CELF5: variants seen among roughly 807,000 people sequenced by gnomAD.
CELF5 encodes the protein CUG-BP and ETR-3 like factor 5.
CELF5 carries 6 observed loss-of-function variants against 54.9 expected under a neutral mutation model. The observed-to-expected ratio is 0.11, with a 90% CI of 0.06 to 0.22. The LOEUF (loss-of-function observed/expected upper bound fraction) is 0.22, where lower values mean the gene tolerates loss of function less well. CELF5 is among the 10% of genes least tolerant of loss of function. The pLI is 1.00. For synonymous variants in CELF5, 271 were observed against 290.9 expected (o/e 0.93, Z 0.70); for missense variants, 401 against 678.6 (o/e 0.59, Z 4.54).
chr19:3,228,847 G>A lies in CELF5; in HGVS notation c.259+3849G>A, dbSNP rs2144967781. ...GTGGTGGCGGGGACAGCGGCAGGGG[G>A]CTGGGGGTGGCTGGCAGGGTTGGCC... On this transcript the variant is annotated intron_variant, in intron 1 of 12. Transcript: ENST00000292672. The surrounding 1 kb of genome is among the most constrained non-coding windows in gnomAD (Gnocchi z 6.0). Among the ~76,000 whole-genome samples, 1 of 151,730 alleles carries A rather than the reference G, an allele frequency of 6.6e-6. No individual in the cohort carries two copies. The highest frequency in any genetic ancestry group is 2.1e-4 in the South Asian group (1 of 4,792).
chr19:3,275,285 C>G lies in CELF5; in HGVS notation c.395-571C>G, dbSNP rs971198526. Among the ~76,000 whole-genome samples, 1 of 152,226 alleles carries G rather than the reference C, an allele frequency of 6.6e-6. No homozygotes were observed. The highest frequency in any genetic ancestry group is 1.5e-5 in the Non-Finnish European group (1 of 68,042). On this transcript the variant is annotated intron_variant, in intron 3 of 12. Transcript: ENST00000292672. This position sits in a 1 kb window ranked among gnomAD's most constrained non-coding sequence, Gnocchi z 6.7. Reference sequence around the variant, plus strand: ...CAGGGGGTCCAGCCTGCCAAGGCCCCTGGTCCACTGAGCACGTGAACCCTC... The same window carrying G: ...CAGGGGGTCCAGCCTGCCAAGGCCCGTGGTCCACTGAGCACGTGAACCCTC...
At chr19:3,267,232 G>C (rs2079895724) in intron 2 of CELF5, among the ~76,000 whole-genome samples, 1 of 151,330 alleles carries the variant, frequency 6.6e-6, no homozygotes, top group South Asian at 2.1e-4. Flanking sequence ...GCACAGGGGA[G>C]CCCCCCCCAC....
At position 3,224,830 on chromosome 19, in the gene CELF5, C is replaced by A. The variant is rs759584916; in HGVS notation, c.91C>A (p.Pro31Thr). 2.5e-6 allele frequency: 4 copies of A among 1,580,994 alleles called. No individual in the cohort carries two copies. The African/African-American group carries it at 4.1e-5, about 16-fold the overall frequency. The change falls in exon 1 of 13, where the codon CCC becomes ACC. Residue 31 changes from proline to threonine, a missense_variant. Coordinates refer to ENST00000292672, the MANE Select transcript of CELF5 (RefSeq NM_021938.4). Reference protein sequence around the residue: ...PSPVGSSGPEPPGGQPDGMKD... With the variant: ...PSPVGSSGPETPGGQPDGMKD... ...GCCCGTGGGCAGCAGCGGGCCCGAG[C>A]CCCCCGGGGGGCAGCCCGACGGCAT...
chr19:3,227,391 A>G (rs1407408975), intron 1 of CELF5, among the ~76,000 whole-genome samples: 1 of 152,136 alleles, frequency 6.6e-6, no homozygotes, highest in African/African-American at 2.4e-5. Context: ...TGCCACCAAC[A>G]TGACCTTATT....
chr19:3,287,626 C>T (rs907120331), intron 10 of CELF5, among the ~76,000 whole-genome samples: 8 of 151,276 alleles, frequency 5.3e-5, no homozygotes, highest in South Asian at 2.1e-4. Context: ...CGGTGGCTCA[C>T]GCCTGTAATC....
intron 1 of CELF5, among the ~76,000 whole-genome samples, chr19:3,247,432 T>G (rs1346500653): frequency 6.6e-6 from 1 of 151,938 alleles, no homozygotes; most frequent in East Asian, 2.0e-4. Context: ...GGCCTAATTT[T>G]TGTATTTTTT....
intron 2 of CELF5, among the ~76,000 whole-genome samples, chr19:3,264,880 A>T (rs1337037039): frequency 6.6e-6 from 1 of 151,390 alleles, no homozygotes; most frequent in African/African-American, 2.4e-5. Context: ...CACCCAGCTA[A>T]TTTTTTGTAT....
At chr19:3,270,517 CGCGGGCAGG>C (rs1327676649) in intron 2 of CELF5, 1 of 149,582 alleles carries the variant, frequency 6.7e-6, no homozygotes, top group African/African-American at 2.4e-5. Flanking sequence ...GGGCGGGCAG[CGCGGGCAGG>C]GCCCGCCTGG....
chr19:3,235,942 T>TGGTGTAGTG (rs1917582763), intron 1 of CELF5, among the ~76,000 whole-genome samples: 1 of 151,864 alleles, frequency 6.6e-6, no homozygotes, highest in African/African-American at 2.4e-5. Flanking sequence ...GGGAAATTTC[T>TGGTGTAGTG]GGTGTAGTGA....
intron 1 of CELF5, among the ~76,000 whole-genome samples, chr19:3,248,050 C>T (rs1051396008): frequency 2.6e-5 from 4 of 152,190 alleles, no homozygotes; most frequent in African/African-American, 9.7e-5. Flanking sequence ...CAGGTGTGCA[C>T]CACCGCACCC....
intron 2 of CELF5, among the ~76,000 whole-genome samples, chr19:3,259,340 C>T (rs1268900758): frequency 6.6e-6 from 1 of 152,028 alleles, no homozygotes; most frequent in African/African-American, 2.4e-5. Context: ...GGAGGAGATG[C>T]ACCTGGCATG....
intron 11 of CELF5, among the ~76,000 whole-genome samples, 183 bp from the exon 12 acceptor site, chr19:3,293,136 T>C (rs1435823282): frequency 2.6e-5 from 4 of 151,740 alleles, no homozygotes; most frequent in Admixed American, 6.6e-5. Context: ...GGTATACAAG[T>C]CCAGAGGTGT....
Position 3,273,829 on chromosome 19 carries a change from C to T in CELF5, c.343-43C>T, listed in dbSNP as rs1242967929. 4 of 1,466,996 alleles carry T rather than the reference C, an allele frequency of 2.7e-6. No individual in the cohort carries two copies. In the African/African-American group the frequency reaches 4.2e-5, roughly 15 times the overall value. 90.9% of individuals were successfully genotyped at this position (1,466,996 alleles called of 1,614,324 possible). A position where few individuals can be genotyped will look rare whatever the true frequency, so the allele number is the denominator to read the frequency against. ...GGCAAAACCCCCCGCCTGCCACACC[C>T]CCACTGCTAAGCTTGACTTTTCCCT... is the stretch of plus-strand genomic sequence containing the variant. On this transcript the variant is annotated intron_variant, in intron 2 of 12. Coordinates refer to ENST00000292672, the MANE Select transcript of CELF5 (RefSeq NM_021938.4).
intron 1 of CELF5, among the ~76,000 whole-genome samples, chr19:3,243,213 G>A (rs535961376): frequency 1.3e-5 from 2 of 151,706 alleles, no homozygotes; most frequent in Non-Finnish European, 2.9e-5. Context: ...GGGTATTTGT[G>A]TATGTGTGTG....
At chr19:3,286,194 A>C in intron 10 of CELF5, 169 bp downstream of exon 10, 1 of 533,564 alleles carries the variant, frequency 1.9e-6, no homozygotes, top group Non-Finnish European at 3.2e-6. Flanking sequence ...ACCCCTGGGA[A>C]TCTCCCTCTC....
chr19:3,266,184 A>G (rs2079878613), intron 2 of CELF5, among the ~76,000 whole-genome samples: 1 of 152,188 alleles, frequency 6.6e-6, no homozygotes, highest in African/African-American at 2.4e-5. Context: ...GTTTCGGGTC[A>G]TTGGGTCATT....
chr19:3,232,903 C>T (rs556947718), intron 1 of CELF5, among the ~76,000 whole-genome samples: 2 of 152,104 alleles, frequency 1.3e-5, no homozygotes, highest in South Asian at 4.2e-4. Context: ...GGAGAAACCC[C>T]ATCTCTGCTA....
chr19:3,242,254 C>T (rs2079501257), intron 1 of CELF5, among the ~76,000 whole-genome samples: 1 of 152,168 alleles, frequency 6.6e-6, no homozygotes, highest in South Asian at 2.1e-4. Flanking sequence ...CGACATTTGG[C>T]CGGGCACGAT....
At chr19:3,248,602 G>A (rs1022263534) in intron 1 of CELF5, among the ~76,000 whole-genome samples, 1 of 151,948 alleles carries the variant, frequency 6.6e-6, no homozygotes, top group African/African-American at 2.4e-5. Flanking sequence ...GTATTGTATC[G>A]ATCCCTTCAT....
Sources: allele counts gnomAD v4.1 joint callset (sites outside exome capture counted in the v4.1 genomes callset), GRCh38; gene constraint gnomAD v4.1.1; non-coding constraint Gnocchi (gnomAD v3.1); transcripts MANE v1.5; gene names NCBI Gene and HGNC (gene_info 2026-07-23, HGNC 2026-07-21).